The following ABCB1 variants were observed in gnomAD, a reference collection of about 807,000 sequenced individuals.
ABCB1 encodes the protein ATP-dependent translocase ABCB1.
ABCB1 carries 69 observed loss-of-function variants against 142.0 expected under a neutral mutation model. The ratio of observed to expected loss-of-function variants is 0.49; its 90% confidence interval spans 0.40 to 0.59. The LOEUF (loss-of-function observed/expected upper bound fraction) is 0.59, where lower values mean the gene tolerates loss of function less well. Among genes scored for constraint, ABCB1 ranks in the 20% least tolerant of loss-of-function variants. ABCB1 has a pLI of 0.00. For synonymous variants in ABCB1, 532 were observed against 539.2 expected, an observed-to-expected ratio of 0.99 and a Z score of 0.18; for missense variants, 1,326 against 1,554.7, an observed-to-expected ratio of 0.85 and a Z score of 2.47.
intron 4 of ABCB1, among the ~76,000 whole-genome samples, chr7:87,584,971 A>G (rs1422561116): frequency 6.7e-6 from 1 of 149,892 alleles, no homozygotes; most frequent in African/African-American, 2.5e-5. Context: ...ACACACACAC[A>G]CAATTTTGCC....
chr7:87,679,558 T>A (rs1047061480), intron 1 of ABCB1, among the ~76,000 whole-genome samples: 1 of 149,900 alleles, frequency 6.7e-6, no homozygotes, highest in Non-Finnish European at 1.5e-5. Context: ...CCCAGCTAAT[T>A]TTTTGATTTT....
At chr7:87,707,789 A>C (rs527898115) in intron 1 of ABCB1, among the ~76,000 whole-genome samples, 1 of 152,198 alleles carries the variant, frequency 6.6e-6, no homozygotes, top group Non-Finnish European at 1.5e-5. Flanking sequence ...GCCATAGTTT[A>C]TCTCAGTGAA....
chr7:87,515,380 G>T lies in ABCB1; in HGVS notation c.3133C>A (p.Pro1045Thr), dbSNP rs957765239. ...AGCACTGGGATGTCCGGTCGGGTGG[G>T]ATAGTTGAATACAACTTCACCAAAT... ...VTFGEVVFNY[P>T]TRPDIPVLQG... The change falls in exon 25 of 28, where the codon CCC becomes ACC. Residue 1045 changes from proline (P) to threonine (T), a missense_variant. Physicochemically the swap from Pro to Thr is conservative, Grantham distance 38. Transcript: ENST00000622132. 6.2e-7 allele frequency: 1 copy of T among 1,614,128 alleles called. No individual in the cohort carries two copies. The highest frequency in any genetic ancestry group is 8.5e-7 in the Non-Finnish European group (1 of 1,180,002).
chr7:87,664,696 A>G (rs943628176), intron 1 of ABCB1, among the ~76,000 whole-genome samples: 9 of 152,172 alleles, frequency 5.9e-5, no homozygotes, highest in African/African-American at 2.2e-4. Flanking sequence ...AATAGAAATG[A>G]TCCAATCTGA....
chr7:87,516,246 T>TA (rs1302857164), intron 24 of ABCB1, among the ~76,000 whole-genome samples: 5 of 151,352 alleles, frequency 3.3e-5, no homozygotes, highest in East Asian at 1.9e-4. Flanking sequence ...ACTCTGTCTC[T>TA]AAAAAAAAAT....
intron 4 of ABCB1, among the ~76,000 whole-genome samples, chr7:87,577,517 A>G (rs957550127): frequency 6.6e-6 from 1 of 152,174 alleles, no homozygotes; most frequent in Non-Finnish European, 1.5e-5. Flanking sequence ...ACTAATTTAC[A>G]TTCTCAAAAA....
chr7:87,602,512 CT>C (rs1262124863), upstream of ABCB1, among the ~76,000 whole-genome samples: 1 of 151,976 alleles, frequency 6.6e-6, no homozygotes, highest in Non-Finnish European at 1.5e-5. Context: ...TCTGTTTTCA[CT>C]TTTGTTTTGC....
intron 21 of ABCB1, 108 bp from the exon 22 acceptor site, chr7:87,520,984 T>G (rs1166076716): frequency 1.2e-6 from 1 of 831,206 alleles, no homozygotes; most frequent in Non-Finnish European, 2.0e-6. Flanking sequence ...TACATATTTA[T>G]TATTATGTAT....
rs1563026580 is a variant in ABCB1, at chr7:87,509,478, G to A, written c.3286C>T (p.Leu1096Phe). 4.3e-6 allele frequency: 7 copies of A among 1,614,000 alleles called. No homozygotes were observed. The East Asian group carries it at 1.6e-4, about 36-fold the overall frequency. Reference protein sequence around the residue: ...FYDPLAGKVLLDGKEIKRLNV... With the variant: ...FYDPLAGKVLFDGKEIKRLNV... ...AGTCGCTTTATTTCTTTGCCATCAA[G>A]CAGCTGAAAACAAGAGTTCACAGAT... The change falls in exon 26 of 28, where the codon CTT (leucine) becomes TTT (phenylalanine). Residue 1096 changes from leucine to phenylalanine, a missense_variant. Physicochemically the swap from Leu to Phe is conservative, Grantham distance 22. Transcript: ENST00000622132.
intron 2 of ABCB1, among the ~76,000 whole-genome samples, chr7:87,596,469 C>A (rs900428997): frequency 6.6e-6 from 1 of 152,174 alleles, no homozygotes; most frequent in East Asian, 1.9e-4. Context: ...TCAAAAAGTT[C>A]TCCTCAGGCA....
At chr7:87,549,566 A>G (rs143309073) in intron 13 of ABCB1, 48 bp from the exon 14 acceptor site, 3 of 1,613,394 alleles carry the variant, frequency 1.9e-6, no homozygotes, top group African/African-American at 2.7e-5. Flanking sequence ...AAGCTATCTC[A>G]GCTCATATTT....
intron 1 of ABCB1, among the ~76,000 whole-genome samples, chr7:87,639,498 C>T (rs2130278013): frequency 6.6e-6 from 1 of 152,198 alleles, no homozygotes; most frequent in East Asian, 1.9e-4. Flanking sequence ...TTAAAGTCTA[C>T]CTCTATGACT....
At chr7:87,644,730 T>A (rs1306449214) in intron 1 of ABCB1, among the ~76,000 whole-genome samples, 1 of 151,758 alleles carries the variant, frequency 6.6e-6, no homozygotes, top group Non-Finnish European at 1.5e-5. Context: ...GGAATATAAT[T>A]TTTTTTACTA....
In ABCB1 at chr7:87,504,329, C is replaced by G. The variant is rs1303671591; in HGVS notation, c.3757G>C (p.Glu1253Gln). 2 of 1,614,068 alleles carry G rather than the reference C, an allele frequency of 1.2e-6. No homozygotes were observed. Among genetic ancestry groups the G allele is most frequent in the Non-Finnish European group, 1.7e-6 (2 of 1,180,004 alleles). Residue 1253 changes from glutamate to glutamine, a missense_variant, in exon 28 of 28, where the codon GAG becomes CAG. Coordinates refer to ENST00000622132, the MANE Select transcript of ABCB1 (RefSeq NM_001348946.2). ...IVVFQNGRVK[E>Q]HGTHQQLLAQ... is the part of the protein sequence containing the mutation. Reference sequence around the variant, plus strand: ...AGCAGCTGCTGATGCGTGCCATGCTCCTTGACTCTGCCATTCTGAAACACC... The same window carrying G: ...AGCAGCTGCTGATGCGTGCCATGCTGCTTGACTCTGCCATTCTGAAACACC...
chr7:87,585,448 A>G, intron 4 of ABCB1, 64 bp downstream of exon 4: 3 of 1,542,218 alleles, frequency 1.9e-6, no homozygotes, highest in South Asian at 1.1e-5. Context: ...ATCCATAAAC[A>G]TCACTCTAAG....
intron 1 of ABCB1, among the ~76,000 whole-genome samples, chr7:87,600,461 C>A (rs188875563): frequency 2.8e-4 from 43 of 152,334 alleles, no homozygotes; most frequent in South Asian, 2.5e-3. Flanking sequence ...TTCCAGTCGC[C>A]GCGGACGATG....
intron 4 of ABCB1, among the ~76,000 whole-genome samples, chr7:87,571,169 A>C (rs943541984): frequency 6.6e-6 from 1 of 152,248 alleles, no homozygotes; most frequent in Non-Finnish European, 1.5e-5. Context: ...AAAAGAGGGG[A>C]AAAACTATTT....
intron 1 of ABCB1, among the ~76,000 whole-genome samples, chr7:87,699,733 A>G (rs1828851016): frequency 6.6e-6 from 1 of 152,210 alleles, no homozygotes; most frequent in Non-Finnish European, 1.5e-5. Flanking sequence ...AATATAACCT[A>G]TGCACAATAG....
intron 1 of ABCB1, among the ~76,000 whole-genome samples, chr7:87,690,392 T>C (rs940653259): frequency 1.3e-5 from 2 of 152,152 alleles, no homozygotes; most frequent in African/African-American, 2.4e-5. Flanking sequence ...CTTGATAAAC[T>C]TCAAAAGATT....
Sources: allele counts gnomAD v4.1 joint callset (sites outside exome capture counted in the v4.1 genomes callset), GRCh38; gene constraint gnomAD v4.1.1; transcripts MANE v1.5; gene names NCBI Gene and HGNC (gene_info 2026-07-23, HGNC 2026-07-21).